The following ZNF804B variants were observed in gnomAD, a reference collection of about 807,000 sequenced individuals.
The protein encoded by ZNF804B is zinc finger 804B.
In ZNF804B, 80 loss-of-function variants were observed where a neutral mutation model predicts 101.4. The ratio of observed to expected loss-of-function variants is 0.79; its 90% CI spans 0.66 to 0.95. ZNF804B has a LOEUF of 0.95. ZNF804B is among the 40% of genes least tolerant of loss of function. The pLI is 0.00. For missense variants in ZNF804B, 1,673 were observed against 1,561.9 expected, an observed-to-expected ratio of 1.07 and a Z score of -1.20; for synonymous variants, 622 against 558.8, an observed-to-expected ratio of 1.11 and a Z score of -1.59.
At chr7:89,267,540 A>G (rs1271556487) in intron 2 of ZNF804B, among the ~76,000 whole-genome samples, 1 of 151,986 alleles carries the variant, frequency 6.6e-6, no homozygotes, top group Non-Finnish European at 1.5e-5. Context: ...TCCACCAAAT[A>G]TGGTCTAGTT....
chr7:89,031,321 C>T (rs1449096538), intron 1 of ZNF804B, among the ~76,000 whole-genome samples: 5 of 151,474 alleles, frequency 3.3e-5, no homozygotes, highest in South Asian at 2.1e-4. Context: ...CCTTTGCGCA[C>T]GGCCCCTGTG....
At chr7:89,149,933 G>A (rs1452731654) in intron 1 of ZNF804B, among the ~76,000 whole-genome samples, 1 of 151,916 alleles carries the variant, frequency 6.6e-6, no homozygotes, top group Non-Finnish European at 1.5e-5. Context: ...ACTCTCATTG[G>A]TCCATATCTG....
intron 1 of ZNF804B, among the ~76,000 whole-genome samples, chr7:88,857,347 G>A (rs1039307581): frequency 2.6e-5 from 4 of 151,964 alleles, no homozygotes; most frequent in African/African-American, 9.7e-5. Context: ...AAAGCTCAAC[G>A]AAATTGATAG....
chr7:89,130,519 T>C lies in ZNF804B; in HGVS notation c.109-87636T>C, dbSNP rs139688962. Among the ~76,000 whole-genome samples the C allele has an allele frequency of 8.6e-5, 13 of 151,984 alleles. No individual in the cohort carries two copies. The East Asian group carries it at 2.5e-3, about 30-fold the overall frequency. On this transcript the variant is annotated intron_variant, in intron 1 of 3. Coordinates refer to ENST00000333190, the MANE Select transcript of ZNF804B (RefSeq NM_181646.5). The stretch of plus-strand genomic sequence containing the variant: ...ACAACCACTCCAGCTCCATGAAACT[T>C]TGCTCATCTTCGTGAATCTTCTATT...
intron 1 of ZNF804B, among the ~76,000 whole-genome samples, chr7:88,944,016 G>T (rs541843556): frequency 2.0e-5 from 3 of 151,654 alleles, no homozygotes; most frequent in African/African-American, 7.3e-5. Flanking sequence ...TAGACATTTA[G>T]GTTATTTTCA....
intron 1 of ZNF804B, among the ~76,000 whole-genome samples, chr7:88,927,529 TTA>T (rs888247846): frequency 2.1e-4 from 32 of 152,144 alleles, no homozygotes; most frequent in Admixed American, 1.3e-4. Flanking sequence ...GTTACTCATC[TTA>T]TAAGCAGCCT....
intron 1 of ZNF804B, among the ~76,000 whole-genome samples, chr7:89,015,706 T>A (rs1307079149): frequency 6.6e-6 from 1 of 152,168 alleles, no homozygotes; most frequent in African/African-American, 2.4e-5. Context: ...ATGGTGTATA[T>A]GTGTCACATT....
chr7:88,899,880 T>C (rs1040334160), intron 1 of ZNF804B, among the ~76,000 whole-genome samples: 1 of 152,268 alleles, frequency 6.6e-6, no homozygotes. Flanking sequence ...TCTTTCTACA[T>C]TGGTAGTTTA....
rs533764960 is a variant in ZNF804B at position 89,031,666 on chromosome 7, T to TG, written c.109-186489_109-186488insG. On this transcript the variant is annotated intron_variant, in intron 1 of 3. Transcript: ENST00000333190. ...TCTTTAGGCTTCTGGTTTTTGTTTT[T>TG]TTTTTTTTCCCAAATGTACAGCGAA... Among the ~76,000 whole-genome samples, 9 of 151,486 alleles carry TG rather than the reference T, an allele frequency of 5.9e-5. No homozygotes were observed. In the South Asian group the frequency reaches 8.3e-4, roughly 14 times the overall value.
intron 2 of ZNF804B, among the ~76,000 whole-genome samples, chr7:89,303,735 T>G (rs545256625): frequency 6.6e-6 from 1 of 151,952 alleles, no homozygotes; most frequent in Non-Finnish European, 1.5e-5. Flanking sequence ...GTAATCATTA[T>G]GGACAGATTT....
At chr7:88,823,666 A>C (rs915208225) in intron 1 of ZNF804B, among the ~76,000 whole-genome samples, 1 of 152,080 alleles carries the variant, frequency 6.6e-6, no homozygotes, top group Non-Finnish European at 1.5e-5. Flanking sequence ...CACCCTTCTC[A>C]GTCCCCAGGT....
chr7:88,854,262 C>A (rs1346809688), intron 1 of ZNF804B, among the ~76,000 whole-genome samples: 1 of 152,056 alleles, frequency 6.6e-6, no homozygotes, highest in Non-Finnish European at 1.5e-5. Flanking sequence ...ATGTACAAAA[C>A]AGAAGCTTAA....
chr7:89,113,630 T>G (rs1790255218), intron 1 of ZNF804B, among the ~76,000 whole-genome samples: 1 of 152,118 alleles, frequency 6.6e-6, no homozygotes, highest in South Asian at 2.1e-4. Flanking sequence ...ATTTATATAT[T>G]GAGGGCAAAT....
chr7:88,831,199 A>G lies in ZNF804B; in HGVS notation c.108+71115A>G, dbSNP rs1791126783. Among the ~76,000 whole-genome samples the G allele has an allele frequency of 2.0e-5, 3 of 151,898 alleles. No homozygotes were observed. The South Asian group carries it at 6.2e-4, about 31-fold the overall frequency. The stretch of plus-strand genomic sequence containing the variant: ...TCTTTCCTGGAAACAAACAAACCTT[A>G]CAGTCATTAGCAGTCACTATTTCCT... On this transcript the variant is annotated intron_variant, in intron 1 of 3. Transcript: ENST00000333190.
At chr7:89,071,976 T>C (rs928804963) in intron 1 of ZNF804B, among the ~76,000 whole-genome samples, 1 of 152,150 alleles carries the variant, frequency 6.6e-6, no homozygotes, top group Non-Finnish European at 1.5e-5. Flanking sequence ...AAGACCATAA[T>C]CCTTGCTGCA....
chr7:88,916,416 T>G (rs1194536756), intron 1 of ZNF804B, among the ~76,000 whole-genome samples: 1 of 152,148 alleles, frequency 6.6e-6, no homozygotes, highest in African/African-American at 2.4e-5. Flanking sequence ...GTATTGGTAA[T>G]GAAAACAATG....
chr7:88,779,455 C>T (rs1372699917), intron 1 of ZNF804B, among the ~76,000 whole-genome samples: 1 of 152,128 alleles, frequency 6.6e-6, no homozygotes, highest in East Asian at 1.9e-4. Context: ...CTCTGTGAAG[C>T]TTCCATGGTG....
chr7:89,332,558 C>G (rs1233722982), intron 3 of ZNF804B, among the ~76,000 whole-genome samples: 1 of 151,704 alleles, frequency 6.6e-6, no homozygotes, highest in Non-Finnish European at 1.5e-5. Flanking sequence ...TATAGATAGA[C>G]TGTTAAAGGG....
intron 2 of ZNF804B, among the ~76,000 whole-genome samples, chr7:89,323,106 C>G (rs1290703932): frequency 2.0e-5 from 3 of 152,210 alleles, no homozygotes; most frequent in Non-Finnish European, 4.4e-5. Flanking sequence ...TTCTCTCTGG[C>G]CTAGGCCATG....
Sources: allele counts gnomAD v4.1 joint callset (sites outside exome capture counted in the v4.1 genomes callset), GRCh38; gene constraint gnomAD v4.1.1; transcripts MANE v1.5; gene names NCBI Gene and HGNC (gene_info 2026-07-23, HGNC 2026-07-21).